Variants in WDR3 observed in about 807,000 individuals in gnomAD.
WDR3 encodes the protein WD repeat domain 3.
A neutral mutation model predicts 123.7 loss-of-function variants in WDR3; 81 were observed. The ratio of observed to expected loss-of-function variants is 0.65; its 90% confidence interval spans 0.55 to 0.79. The LOEUF (loss-of-function observed/expected upper bound fraction) is 0.79, where lower values mean the gene tolerates loss of function less well. Ranked by LOEUF, WDR3 falls within the 30% of genes least tolerant of loss-of-function variation. WDR3 has a pLI of 0.00. For missense variants in WDR3, 1,027 were observed against 1,123.2 expected, an observed-to-expected ratio of 0.91 and a Z score of 1.22; for synonymous variants, 390 against 388.8, an observed-to-expected ratio of 1.00 and a Z score of -0.04.
intron 3 of WDR3, among the ~76,000 whole-genome samples, chr1:117,936,386 A>G (rs1428274424): frequency 6.6e-6 from 1 of 152,156 alleles, no homozygotes; most frequent in Non-Finnish European, 1.5e-5. Flanking sequence ...AAATTTTTAA[A>G]TAAGTTGTGC....
At chr1:117,934,934 T>G (rs768769443) in intron 3 of WDR3, among the ~76,000 whole-genome samples, 2 of 152,360 alleles carry the variant, frequency 1.3e-5, no homozygotes, top group South Asian at 4.1e-4. Context: ...TAACTCTTAT[T>G]GTGGAAGTGC....
At chr1:117,948,593 T>G (rs1311136512) in intron 13 of WDR3, 87 bp downstream of exon 13, 2 of 333,094 alleles carry the variant, frequency 6.0e-6, no homozygotes, top group African/African-American at 5.1e-5. Flanking sequence ...AAGCCTGAGG[T>G]TTTTTTTTTT....
intron 13 of WDR3, 76 bp from the exon 14 acceptor site, chr1:117,949,675 G>C (rs185171017): frequency 1.3e-6 from 2 of 1,490,866 alleles, no homozygotes; most frequent in Non-Finnish European, 1.8e-6. Context: ...TACTTTCTTA[G>C]ACTTTTAAAA....
chr1:117,945,986 T>C (rs1651364730), intron 11 of WDR3, 100 bp from the exon 12 acceptor site: 1 of 707,972 alleles, frequency 1.4e-6, no homozygotes, highest in Non-Finnish European at 2.1e-6. Flanking sequence ...TATCTTCTTT[T>C]ATGTTGATCT....
chr1:117,952,786 C>A (rs1571022599), intron 19 of WDR3, 124 bp downstream of exon 19: 5 of 1,444,796 alleles, frequency 3.5e-6, no homozygotes, highest in East Asian at 4.6e-5. Flanking sequence ...TTCAGGAGAT[C>A]TTTTCAAGAC....
rs369554244 is a variant in WDR3 at position 117,957,091 on chromosome 1, T to C, written c.2477T>C (p.Val826Ala). Residue 826 changes from valine to alanine, a missense_variant, in exon 25 of 27, where the codon GTG becomes GCG. Transcript: ENST00000349139. ...AGTGAGCTGGAAGAATCTCTACTTG[T>C]GCTGCCTTTCTCTTATGTCCCAGAC... ...KSSELEESLL[V>A]LPFSYVPDIL... The C allele has an allele frequency of 5.6e-6, 9 of 1,602,430 alleles. No individual in the cohort carries two copies. The African/African-American group carries it at 9.4e-5, about 17-fold the overall frequency.
intron 14 of WDR3, 26 bp downstream of exon 14, chr1:117,949,862 T>A (rs1174695840): frequency 6.2e-7 from 1 of 1,613,098 alleles, no homozygotes; most frequent in East Asian, 2.2e-5. Context: ...TTGTGTCCAT[T>A]TTTTGGAGTG....
Position 117,948,415 on chromosome 1 carries a change from T to G in WDR3, c.1433T>G (p.Leu478Arg), listed in dbSNP as rs1230477174. 6.2e-7 allele frequency: 1 copy of G among 1,614,010 alleles called. No individual in the cohort carries two copies. Among genetic ancestry groups the G allele is most frequent in the Admixed American group, 1.7e-5 (1 of 60,022 alleles). ...QVVIGTKTGK[L>R]QLYDLASGNL... ...TTTGTGTCTTCCCAGACAGGGAAGCTGCAGCTTTATGACTTGGCTTCAGGG... is the reference window on the plus strand; with the variant it reads ...TTTGTGTCTTCCCAGACAGGGAAGCGGCAGCTTTATGACTTGGCTTCAGGG... Residue 478 changes from leucine (L) to arginine (R), a missense_variant, in exon 13 of 27, where the codon CTG (leucine) becomes CGG (arginine). By Grantham distance (102) the Leu-to-Arg change is moderately radical. Transcript: ENST00000349139.
In WDR3 at chr1:117,954,564, A is replaced by G; in HGVS notation, c.2362-16A>G. 8 of 1,611,346 alleles carry G rather than the reference A, an allele frequency of 5.0e-6. No individual in the cohort carries two copies. The highest frequency in any genetic ancestry group is 6.8e-6 in the Non-Finnish European group (8 of 1,178,330). On this transcript the variant is annotated splice_polypyrimidine_tract_variant and intron_variant, in intron 22 of 26. Coordinates refer to ENST00000349139, the MANE Select transcript of WDR3 (RefSeq NM_006784.3). ...CTCAGTTTTTTTAATGACTTGATTTAATAATTTCTTCATAGGTTCCACTTC... is the reference window on the plus strand; with the variant it reads ...CTCAGTTTTTTTAATGACTTGATTTGATAATTTCTTCATAGGTTCCACTTC...
intron 12 of WDR3, 107 bp from the exon 13 acceptor site, chr1:117,948,298 C>T: frequency 4.7e-6 from 4 of 844,586 alleles, no homozygotes; most frequent in Non-Finnish European, 7.6e-6. Flanking sequence ...AGCAATGGAT[C>T]ACATTTTTGC....
intron 7 of WDR3, 39 bp from the exon 8 acceptor site, chr1:117,941,085 C>T: frequency 1.9e-6 from 3 of 1,608,926 alleles, no homozygotes; most frequent in South Asian, 1.1e-5. Context: ...TTCAGCAGAA[C>T]TTACATCTAA....
chr1:117,961,711 A>G lies in WDR3; in HGVS notation c.*2264A>G, dbSNP rs1364885069. On this transcript the variant is annotated 3_prime_UTR_variant, in exon 27 of 27. Coordinates refer to ENST00000349139, the MANE Select transcript of WDR3 (RefSeq NM_006784.3). ...TCTTAATGTTCTTGAGCATAACACA[A>G]TCACTGAAGTGAGTAAGGGATGCAG... 6.6e-6 allele frequency: 1 copy of G among 152,132 alleles called. No individual in the cohort carries two copies. Among genetic ancestry groups the G allele is most frequent in the Non-Finnish European group, 1.5e-5 (1 of 68,020 alleles). The allele number at this position is 152,132 out of a possible 1,614,324, so 9.4% of individuals were successfully genotyped here. A position where few individuals can be genotyped will look rare whatever the true frequency, so the allele number is the denominator to read the frequency against.
Position 117,963,749 on chromosome 1 carries a change from C to A in WDR3, c.*4302C>A. 6.4e-7 allele frequency: 1 copy of A among 1,556,258 alleles called. No individual in the cohort carries two copies. Among genetic ancestry groups the A allele is most frequent in the Non-Finnish European group, 8.8e-7 (1 of 1,140,932 alleles). On this transcript the variant is annotated 3_prime_UTR_variant, in exon 27 of 27. Coordinates refer to ENST00000349139, the MANE Select transcript of WDR3 (RefSeq NM_006784.3). ...GGGGAAGAAACCTGGGGTCTAATAC[C>A]TCAAATTTGAATGCTTGACAATCAA...
chr1:117,948,592 G>GTTT (rs11370392), intron 13 of WDR3, 86 bp downstream of exon 13: 2,354 of 568,332 alleles, frequency 4.1e-3, no homozygotes, highest in South Asian at 7.4e-3. Flanking sequence ...AAAGCCTGAG[G>GTTT]TTTTTTTTTT....
intron 1 of WDR3, among the ~76,000 whole-genome samples, chr1:117,932,000 C>T (rs970191131): frequency 3.3e-5 from 5 of 152,038 alleles, no homozygotes; most frequent in Non-Finnish European, 7.4e-5. Flanking sequence ...AAAACAATAG[C>T]AAAAAGAAAC....
In WDR3 at chr1:117,953,531, C is replaced by T. The variant is rs943882364; in HGVS notation, c.2258C>T (p.Thr753Ile). 15 of 1,612,446 alleles carry T rather than the reference C, an allele frequency of 9.3e-6. No individual in the cohort carries two copies. In the African/African-American group the frequency reaches 1.9e-4, roughly 20 times the overall value. ...SYFTGKKTIE[T>I]VKAAERIMEA... Reference sequence around the variant, plus strand: ...TTTACTGGAAAGAAAACTATTGAAACAGTGAAAGCAGTAAGTTGATATAGA... The same window carrying T: ...TTTACTGGAAAGAAAACTATTGAAATAGTGAAAGCAGTAAGTTGATATAGA... The change falls in exon 21 of 27, where the codon ACA (threonine) becomes ATA (isoleucine). Residue 753 changes from threonine to isoleucine, a missense_variant. Thr to Ile is a moderately conservative substitution (Grantham distance 89, BLOSUM62 -1). Coordinates refer to ENST00000349139, the MANE Select transcript of WDR3 (RefSeq NM_006784.3).
In WDR3 at chr1:117,936,715, G is replaced by A. The variant is rs192312530; in HGVS notation, c.382-54G>A. 67 of 1,339,232 alleles carry A rather than the reference G, an allele frequency of 5.0e-5. 1 individual carries two copies. The East Asian group carries it at 1.1e-3, about 22-fold the overall frequency. 83.0% of individuals were successfully genotyped at this position (1,339,232 alleles called of 1,614,324 possible). On this transcript the variant is annotated intron_variant, in intron 3 of 26. Coordinates refer to ENST00000349139, the MANE Select transcript of WDR3 (RefSeq NM_006784.3). ...TTAAGTCTCATTGTTTGTCAAGTTG[G>A]GCCATATATGGTAAAGAAAATTATT...
In WDR3 at chr1:117,934,499, A is replaced by G. The variant is rs1650847390; in HGVS notation, c.198A>G (p.Gln66=). The G allele has an allele frequency of 6.2e-7, 1 of 1,614,006 alleles. No homozygotes were observed. The highest frequency in any genetic ancestry group is 8.5e-7 in the Non-Finnish European group (1 of 1,180,012). The change falls in exon 3 of 27, where the codon CAA becomes CAG. Residue 66 remains glutamine, a synonymous_variant. Coordinates refer to ENST00000349139, the MANE Select transcript of WDR3 (RefSeq NM_006784.3). Reference sequence around the variant, plus strand: ...TTCTTATCCTTCAGGGGCTTAAACAAGAAGTTACTTGCTTATGCCCCTCCC... The same window carrying G: ...TTCTTATCCTTCAGGGGCTTAAACAGGAAGTTACTTGCTTATGCCCCTCCC... ...EKILILQGLK[Q]EVTCLCPSPD...
intron 11 of WDR3, 89 bp from the exon 12 acceptor site, chr1:117,945,993 ATCTG>A (rs1449213886): frequency 7.5e-5 from 56 of 746,550 alleles, no homozygotes; most frequent in Non-Finnish European, 1.0e-4. Flanking sequence ...TTTTATGTTG[ATCTG>A]TCTAAGTGCA....
Sources: allele counts gnomAD v4.1 joint callset (sites outside exome capture counted in the v4.1 genomes callset), GRCh38; gene constraint gnomAD v4.1.1; transcripts MANE v1.5; gene names NCBI Gene and HGNC (gene_info 2026-07-23, HGNC 2026-07-21).